The following EPHA6 variants were observed in gnomAD, a reference collection of about 807,000 sequenced individuals.
EPHA6 encodes the protein ephrin type-A receptor 6.
Under a neutral mutation model 112.0 loss-of-function variants are expected in EPHA6, and 50 were observed. The ratio of observed to expected loss-of-function variants is 0.45; its 90% confidence interval spans 0.36 to 0.56. The LOEUF (loss-of-function observed/expected upper bound fraction) is 0.56, where lower values mean the gene tolerates loss of function less well. Among genes scored for constraint, EPHA6 ranks in the 20% least tolerant of loss-of-function variants. The pLI is 0.00. For synonymous variants in EPHA6, 529 were observed against 490.7 expected (o/e 1.08, Z -1.03); for missense variants, 1,280 against 1,417.4 (o/e 0.90, Z 1.56).
chr3:97,139,087 G>A (rs768076313), intron 3 of EPHA6, among the ~76,000 whole-genome samples: 7 of 152,116 alleles, frequency 4.6e-5, no homozygotes, highest in Non-Finnish European at 8.8e-5. Context: ...ATCAGCATTT[G>A]CATTCACCAG....
chr3:97,549,200 C>G (rs1368478203), intron 11 of EPHA6, among the ~76,000 whole-genome samples: 1 of 152,140 alleles, frequency 6.6e-6, no homozygotes. Context: ...GTGGTTTATG[C>G]CAGCAGCAGC....
At chr3:96,876,750 A>C (rs1175854602) in intron 2 of EPHA6, among the ~76,000 whole-genome samples, 1 of 152,002 alleles carries the variant, frequency 6.6e-6, no homozygotes, top group Non-Finnish European at 1.5e-5. Context: ...GCTTATGTCT[A>C]TCTGGAATGT....
Position 97,760,230 on chromosome 3 carries a change from C to G in EPHA6, c.*11529C>G, listed in dbSNP as rs754178907. 1.1e-5 allele frequency: 2 copies of G among 178,520 alleles called. No homozygotes were observed. The highest frequency in any genetic ancestry group is 2.4e-5 in the Non-Finnish European group (2 of 83,544). The allele number at this position is 178,520 out of a possible 1,614,324, so 11.1% of individuals were successfully genotyped here. A position where few individuals can be genotyped will look rare whatever the true frequency, so the allele number is the denominator to read the frequency against. On this transcript the variant is annotated 3_prime_UTR_variant, in exon 18 of 18. Transcript: ENST00000389672. ...CATATAGGAAAACAATGCCTTCTGT[C>G]ATTTACGGAAAACACATGGGCAATA...
At chr3:97,341,286 A>G (rs912644408) in intron 5 of EPHA6, among the ~76,000 whole-genome samples, 1 of 152,184 alleles carries the variant, frequency 6.6e-6, no homozygotes, top group Non-Finnish European at 1.5e-5. Flanking sequence ...GGCTAAAAAA[A>G]AGCAAATTAG....
At chr3:97,469,578 G>A (rs2107436891) in intron 7 of EPHA6, among the ~76,000 whole-genome samples, 1 of 151,770 alleles carries the variant, frequency 6.6e-6, no homozygotes, top group Middle Eastern at 3.4e-3. Context: ...AATACAGTGG[G>A]AGTTGGAGAG....
chr3:97,674,360 A>T (rs2031151955), intron 14 of EPHA6, among the ~76,000 whole-genome samples: 4 of 152,202 alleles, frequency 2.6e-5, no homozygotes. Flanking sequence ...TCAGCAATTC[A>T]GTTTTATCCA....
chr3:97,406,125 G>C (rs2087327406), intron 6 of EPHA6, among the ~76,000 whole-genome samples: 1 of 152,078 alleles, frequency 6.6e-6, no homozygotes, highest in South Asian at 2.1e-4. Context: ...TTGCATTTCT[G>C]TCCCTTACTA....
At chr3:97,050,294 C>T (rs1576392698) in intron 3 of EPHA6, among the ~76,000 whole-genome samples, 1 of 152,110 alleles carries the variant, frequency 6.6e-6, no homozygotes, top group East Asian at 1.9e-4. Context: ...GAAGCCTTGA[C>T]TAGGAAGAAG....
intron 2 of EPHA6, among the ~76,000 whole-genome samples, chr3:96,968,828 T>C (rs933247736): frequency 6.6e-6 from 1 of 151,954 alleles, no homozygotes; most frequent in Non-Finnish European, 1.5e-5. Flanking sequence ...ATTCTTTTTC[T>C]TTCTTTTCCT....
intron 5 of EPHA6, among the ~76,000 whole-genome samples, chr3:97,253,237 C>T (rs75783713): frequency 0.015 from 2,306 of 152,192 alleles, 28 homozygotes; most frequent in Middle Eastern, 0.079. Context: ...ATATGACAGG[C>T]GGTGAATGTT....
intron 5 of EPHA6, among the ~76,000 whole-genome samples, chr3:97,358,967 T>G (rs539620102): frequency 6.6e-6 from 1 of 152,106 alleles, no homozygotes; most frequent in East Asian, 1.9e-4. Flanking sequence ...TCTCTTTTGC[T>G]ATTTATAAGA....
chr3:96,992,411 A>C (rs1453703149), intron 3 of EPHA6, among the ~76,000 whole-genome samples: 2 of 152,138 alleles, frequency 1.3e-5, no homozygotes, highest in African/African-American at 4.8e-5. Flanking sequence ...AATCTGGATG[A>C]GGTTCACTGG....
intron 5 of EPHA6, among the ~76,000 whole-genome samples, chr3:97,284,178 T>C (rs1226244799): frequency 6.6e-6 from 1 of 152,150 alleles, no homozygotes; most frequent in East Asian, 1.9e-4. Flanking sequence ...TGTGACATCA[T>C]AAACCTATTT....
At chr3:96,969,860 T>C (rs1468801011) in intron 2 of EPHA6, among the ~76,000 whole-genome samples, 1 of 152,028 alleles carries the variant, frequency 6.6e-6, no homozygotes, top group Non-Finnish European at 1.5e-5. Flanking sequence ...AATTTCCTAT[T>C]GTAATGTGTA....
intron 3 of EPHA6, among the ~76,000 whole-genome samples, chr3:97,044,993 T>G (rs1559691217): frequency 6.6e-6 from 1 of 152,014 alleles, no homozygotes; most frequent in Non-Finnish European, 1.5e-5. Flanking sequence ...GAAGAAAACT[T>G]TATTGTGAAG....
At chr3:97,176,974 G>A (rs187836645) in intron 3 of EPHA6, among the ~76,000 whole-genome samples, 3 of 151,570 alleles carry the variant, frequency 2.0e-5, no homozygotes, top group African/African-American at 7.3e-5. Flanking sequence ...TGCATCATCA[G>A]ATTGTTTATT....
At chr3:97,553,463 T>C (rs1021329643) in intron 11 of EPHA6, among the ~76,000 whole-genome samples, 1 of 152,048 alleles carries the variant, frequency 6.6e-6, no homozygotes, top group Non-Finnish European at 1.5e-5. Context: ...TCTGCATCAC[T>C]GGGGAGGGCT....
At chr3:96,952,780 T>A (rs1163661401) in intron 2 of EPHA6, among the ~76,000 whole-genome samples, 1 of 152,128 alleles carries the variant, frequency 6.6e-6, no homozygotes, top group African/African-American at 2.4e-5. Context: ...TACTGCATGT[T>A]GTCACTTACA....
intron 2 of EPHA6, among the ~76,000 whole-genome samples, chr3:96,888,719 A>T (rs2037780059): frequency 6.6e-6 from 1 of 152,082 alleles, no homozygotes; most frequent in African/African-American, 2.4e-5. Flanking sequence ...TGGGCCTGTG[A>T]TGGGAGGAGC....
Sources: allele counts gnomAD v4.1 joint callset (sites outside exome capture counted in the v4.1 genomes callset), GRCh38; gene constraint gnomAD v4.1.1; transcripts MANE v1.5; gene names NCBI Gene and HGNC (gene_info 2026-07-23, HGNC 2026-07-21).